The following ATP11A variants were observed in gnomAD, a reference collection of about 807,000 sequenced individuals.
ATP11A encodes phospholipid-transporting ATPase IH.
Under a neutral mutation model 154.4 loss-of-function variants are expected in ATP11A, and 81 were observed. The observed-to-expected ratio is 0.52, with a 90% CI of 0.44 to 0.63. The LOEUF (loss-of-function observed/expected upper bound fraction) is 0.63. Ranked by LOEUF, ATP11A falls within the 30% of genes least tolerant of loss-of-function variation. The pLI, the probability that ATP11A is intolerant of heterozygous loss-of-function variation, is 0.00. For synonymous variants in ATP11A, 623 were observed against 585.9 expected, an observed-to-expected ratio of 1.06 and a Z score of -0.91; for missense variants, 1,316 against 1,474.3, an observed-to-expected ratio of 0.89 and a Z score of 1.76.
At chr13:112,795,635 T>C (rs529989795) in intron 2 of ATP11A, among the ~76,000 whole-genome samples, 1 of 152,376 alleles carries the variant, frequency 6.6e-6, no homozygotes, top group Admixed American at 6.5e-5. Flanking sequence ...TTATAGAAAT[T>C]TGTGGAAACG....
In ATP11A at chr13:112,875,388, A is replaced by G. The variant is rs2080688045; in HGVS notation, c.3162-388A>G. Among the ~76,000 whole-genome samples, 1 of 151,948 alleles carries G rather than the reference A, an allele frequency of 6.6e-6. No homozygotes were observed. ...CATCCTCTTTCTGGGGAGAGAAGTCATTGCTTGCTCTGTACTGACGACCAG... is the reference window on the plus strand; with the variant it reads ...CATCCTCTTTCTGGGGAGAGAAGTCGTTGCTTGCTCTGTACTGACGACCAG... On this transcript the variant is annotated intron_variant, in intron 27 of 29. Transcript: ENST00000375645. The surrounding 1 kb of genome is among the most constrained non-coding windows in gnomAD (Gnocchi z 4.1).
chr13:112,715,193 C>T (rs1024780190), intron 1 of ATP11A, among the ~76,000 whole-genome samples: 1 of 152,114 alleles, frequency 6.6e-6, no homozygotes, highest in Admixed American at 6.5e-5. Flanking sequence ...TTTTCCTGAC[C>T]GAAAGCTTCT....
chr13:112,716,612 C>G (rs184188368), intron 1 of ATP11A, among the ~76,000 whole-genome samples: 1 of 152,118 alleles, frequency 6.6e-6, no homozygotes, highest in Non-Finnish European at 1.5e-5. Context: ...GAGCCTGGCT[C>G]GGGGCTGGGT....
intron 18 of ATP11A, among the ~76,000 whole-genome samples, chr13:112,852,558 T>A (rs975671875): frequency 2.0e-5 from 3 of 152,142 alleles, no homozygotes; most frequent in Non-Finnish European, 4.4e-5. Context: ...GGGGGCTGCG[T>A]CCTTGCTCTA....
Position 112,873,601 on chromosome 13 carries a change from G to T in ATP11A, c.3086G>T (p.Trp1029Leu). The change falls in exon 27 of 30, where the codon TGG becomes TTG. Residue 1029 changes from tryptophan (W) to leucine (L), a missense_variant. Around this residue, in one of 5 missense-constraint regions of ATP11A, gnomAD observed 294 missense variants for 290.2 expected, o/e 1.01. Coordinates refer to ENST00000375645, the MANE Select transcript of ATP11A (RefSeq NM_015205.3). ...GCATTGGACACACACTACTGGACTT[G>T]GATCAACCATTTTGTCATCTGGGGG... ...KLALDTHYWTWINHFVIWGSL... is the reference protein window; with the variant it reads ...KLALDTHYWTLINHFVIWGSL... 1 of 1,612,294 alleles carries T rather than the reference G, an allele frequency of 6.2e-7. No individual in the cohort carries two copies. The highest frequency in any genetic ancestry group is 8.5e-7 in the Non-Finnish European group (1 of 1,179,536).
At position 112,884,763 on chromosome 13, in the gene ATP11A, CCG is replaced by C. The variant is rs1245302890; in HGVS notation, c.*2898_*2899del. The C allele has an allele frequency of 6.6e-6, 1 of 152,120 alleles. No individual in the cohort carries two copies. The highest frequency in any genetic ancestry group is 1.5e-5 in the Non-Finnish European group (1 of 68,078). 9.4% of individuals were successfully genotyped at this position (152,120 alleles called of 1,614,324 possible). On this transcript the variant is annotated 3_prime_UTR_variant, in exon 30 of 30. Coordinates refer to ENST00000375645, the MANE Select transcript of ATP11A (RefSeq NM_015205.3). ...ATTCACACCCAGTCCCTGCCACAGA[CCG>C]TCTCAGACACGCACAGTGGGCCTGC...
chr13:112,886,069 C>T lies in ATP11A; in HGVS notation c.*4203C>T, dbSNP rs79214327. The T allele has an allele frequency of 0.018, 2,722 of 152,470 alleles. 104 individuals carry two copies. Among genetic ancestry groups the T allele is most frequent in the African/African-American group, 0.063 (2,610 of 41,570 alleles). The allele number at this position is 152,470 out of a possible 1,614,324, so 9.4% of individuals were successfully genotyped here. ...CCTCATCCGTGCACGCGTCGGAGCA[C>T]GGCCAGCCTTCCGCCACGAGCCAGC... is the stretch of plus-strand genomic sequence containing the variant. On this transcript the variant is annotated 3_prime_UTR_variant, in exon 30 of 30. Coordinates refer to ENST00000375645, the MANE Select transcript of ATP11A (RefSeq NM_015205.3).
chr13:112,786,886 G>C (rs1322484497), intron 2 of ATP11A, among the ~76,000 whole-genome samples: 1 of 152,150 alleles, frequency 6.6e-6, no homozygotes, highest in East Asian at 1.9e-4. Context: ...CTGATGTGTA[G>C]ACCCCTGCGA....
intron 27 of ATP11A, among the ~76,000 whole-genome samples, chr13:112,874,921 C>T (rs2080671299): frequency 6.6e-6 from 1 of 152,178 alleles, no homozygotes; most frequent in African/African-American, 2.4e-5. Context: ...GAGCCACAGC[C>T]CGTCAGCCTT....
At chr13:112,881,560 CAG>C (rs762017843) in intron 29 of ATP11A, 51 of 1,151,756 alleles carry the variant, frequency 4.4e-5, no homozygotes, top group Middle Eastern at 4.0e-4. Flanking sequence ...GATGGTGGGA[CAG>C]GGGGACGGTC....
chr13:112,801,683 T>C (rs926675458), intron 2 of ATP11A, among the ~76,000 whole-genome samples: 5 of 152,196 alleles, frequency 3.3e-5, no homozygotes, highest in African/African-American at 1.2e-4. Flanking sequence ...ACTATTTACA[T>C]TTAACCCCCC....
At chr13:112,783,778 C>A (rs375029413) in intron 1 of ATP11A, among the ~76,000 whole-genome samples, 7 of 152,230 alleles carry the variant, frequency 4.6e-5, no homozygotes, top group Non-Finnish European at 1.0e-4. Flanking sequence ...TTTCCCGTTA[C>A]GAGCTAAAGT....
At chr13:112,830,420 A>T (rs2079054307) in intron 12 of ATP11A, among the ~76,000 whole-genome samples, 1 of 152,084 alleles carries the variant, frequency 6.6e-6, no homozygotes. Context: ...TACTAAAAAT[A>T]CAAAAATTAG....
chr13:112,848,365 A>G (rs1179650966), intron 17 of ATP11A, among the ~76,000 whole-genome samples: 1 of 151,420 alleles, frequency 6.6e-6, no homozygotes, highest in African/African-American at 2.4e-5. Flanking sequence ...TCCTTTTCAT[A>G]TTGTTCATTG....
At chr13:112,748,349 T>G (rs2139795153) in intron 1 of ATP11A, among the ~76,000 whole-genome samples, 1 of 152,380 alleles carries the variant, frequency 6.6e-6, no homozygotes, top group South Asian at 2.1e-4. Flanking sequence ...GAAACAATCA[T>G]AAATATAAAT....
intron 20 of ATP11A, chr13:112,856,656 A>G (rs2079935830): frequency 1.2e-5 from 1 of 83,312 alleles, no homozygotes; most frequent in Non-Finnish European, 2.3e-5. Context: ...AATAGTTTTG[A>G]AAGCACTATG....
Position 112,795,073 on chromosome 13 carries a change from G to A in ATP11A, c.162+9816G>A, listed in dbSNP as rs773828565. Among the ~76,000 whole-genome samples, 8 of 151,686 alleles carry A rather than the reference G, an allele frequency of 5.3e-5. 1 individual carries two copies. The highest frequency in any genetic ancestry group is 8.8e-5 in the Non-Finnish European group (6 of 67,958). On this transcript the variant is annotated intron_variant, in intron 2 of 29. Transcript: ENST00000375645. ...AGCCTGGGCAACATGGTGAAATCCC[G>A]TCTCTATTAAAAATACAAAAATTAG...
intron 1 of ATP11A, among the ~76,000 whole-genome samples, chr13:112,702,357 A>AAAG (rs1163240525): frequency 5.3e-5 from 8 of 151,358 alleles, no homozygotes; most frequent in Admixed American, 3.3e-4. Flanking sequence ...AAAAAAAAAA[A>AAAG]AAAAAGAAAC....
Position 112,862,365 on chromosome 13 carries a change from G to T in ATP11A, c.2856-75G>T, listed in dbSNP as rs373152500. 3.0e-5 allele frequency: 48 copies of T among 1,576,330 alleles called. No individual in the cohort carries two copies. In the African/African-American group the frequency reaches 5.7e-4, roughly 19 times the overall value. On this transcript the variant is annotated intron_variant, in intron 24 of 29. Coordinates refer to ENST00000375645, the MANE Select transcript of ATP11A (RefSeq NM_015205.3). ...CCCATGAAGACAACGTCCAGGGATGGCCACCCCAGAGCCTGGGGGAGGTGC... is the reference window on the plus strand; with the variant it reads ...CCCATGAAGACAACGTCCAGGGATGTCCACCCCAGAGCCTGGGGGAGGTGC...
Sources: gnomAD v4.1 joint callset for allele counts (sites outside exome capture counted in the v4.1 genomes callset) on GRCh38, gnomAD v4.1.1 for gene constraint, gnomAD v4.1.1 regional missense constraint, Gnocchi (gnomAD v3.1) non-coding constraint, MANE v1.5 for transcripts, NCBI Gene and HGNC (gene_info 2026-07-23, HGNC 2026-07-21) for gene names.